The following MEGF11 variants were observed in gnomAD, a reference collection of about 807,000 sequenced individuals.
MEGF11 encodes multiple epidermal growth factor-like domains protein 11.
A neutral mutation model predicts 146.6 loss-of-function variants in MEGF11; 126 were observed. That is an observed-to-expected ratio of 0.86 (90% CI 0.74 to 1.00). The LOEUF is 1.00. MEGF11 is among the 50% of genes least tolerant of loss of function. The pLI is 0.00. For missense variants in MEGF11, 1,509 were observed against 1,521.2 expected (o/e 0.99, Z 0.13); for synonymous variants, 532 against 583.4 (o/e 0.91, Z 1.27).
intron 10 of MEGF11, among the ~76,000 whole-genome samples, chr15:65,954,233 G>A (rs867078392): frequency 4.6e-5 from 7 of 152,278 alleles, no homozygotes; most frequent in South Asian, 2.1e-4. Flanking sequence ...ATAAAGGCGC[G>A]TACATACATT....
chr15:66,091,201 C>T (rs1394877770), intron 5 of MEGF11, among the ~76,000 whole-genome samples: 1 of 152,170 alleles, frequency 6.6e-6, no homozygotes, highest in African/African-American at 2.4e-5. Flanking sequence ...CAGATTTGGG[C>T]CCACAAAGAC....
At chr15:65,919,335 C>T (rs915552062) in intron 15 of MEGF11, among the ~76,000 whole-genome samples, 2 of 152,188 alleles carry the variant, frequency 1.3e-5, no homozygotes, top group Non-Finnish European at 2.9e-5. Context: ...CAATGTGCTT[C>T]ACAAATACAG....
intron 5 of MEGF11, among the ~76,000 whole-genome samples, chr15:66,038,306 C>G (rs1162497082): frequency 6.6e-6 from 1 of 152,118 alleles, no homozygotes; most frequent in Admixed American, 6.5e-5. Context: ...CAGGGGAGAG[C>G]TGGATTCTTC....
At position 66,201,778 on chromosome 15, in the gene MEGF11, C is replaced by CAAAAA. The variant is rs60006667; in HGVS notation, c.-9+51822_-9+51826dup. ...GTGAAACCCTGTTTACTAAAAATCC[C>CAAAAA]AAAAAAAAAAAAAAAAAAATTAACC... is the stretch of plus-strand genomic sequence containing the variant. On this transcript the variant is annotated intron_variant, in intron 1 of 25. Transcript: ENST00000395614. Among the ~76,000 whole-genome samples the CAAAAA allele has an allele frequency of 4.2e-4, 42 of 99,204 alleles. 1 individual carries two copies. The highest frequency in any genetic ancestry group is 1.3e-3 in the African/African-American group (32 of 25,058). The allele number at this position is 99,204 out of a possible 152,430, so 65.1% of individuals were successfully genotyped here. A position where few individuals can be genotyped will look rare whatever the true frequency, so the allele number is the denominator to read the frequency against.
In MEGF11 at chr15:65,926,470, A is replaced by G. The variant is rs549960229; in HGVS notation, c.1675+1955T>C. ...CAAAATGCCAACTGTCAGTAAGCCT[A>G]TGGCTTATGAGGGTTAAGGGGAGAC... is the stretch of plus-strand genomic sequence containing the variant. On this transcript the variant is annotated intron_variant, in intron 13 of 25. Coordinates refer to ENST00000395614, the MANE Select transcript of MEGF11 (RefSeq NM_001385028.1). 4.6e-5 allele frequency among the ~76,000 whole-genome samples: 7 copies of G among 152,372 alleles called. No individual in the cohort carries two copies. In the South Asian group the frequency reaches 1.2e-3, roughly 27 times the overall value.
At chr15:65,917,085 A>G (rs893759237) in intron 16 of MEGF11, 129 bp from the exon 17 acceptor site, 10 of 1,030,678 alleles carry the variant, frequency 9.7e-6, no homozygotes, top group East Asian at 3.0e-5. Flanking sequence ...CCTGGCTTTC[A>G]GGGGCTTCAT....
intron 5 of MEGF11, among the ~76,000 whole-genome samples, chr15:65,983,815 A>C (rs966488270): frequency 6.6e-6 from 1 of 152,160 alleles, no homozygotes; most frequent in Non-Finnish European, 1.5e-5. Flanking sequence ...GGAAGGTGTC[A>C]CTGGGGTAGA....
chr15:66,052,490 C>T (rs1195562178), intron 5 of MEGF11, among the ~76,000 whole-genome samples: 2 of 152,168 alleles, frequency 1.3e-5, no homozygotes, highest in African/African-American at 4.8e-5. Context: ...AATCCTGATC[C>T]ACATCCTGGG....
At chr15:65,936,308 T>C (rs1306507903) in intron 10 of MEGF11, among the ~76,000 whole-genome samples, 1 of 152,200 alleles carries the variant, frequency 6.6e-6, no homozygotes, top group Non-Finnish European at 1.5e-5. Context: ...TTCCTCCACC[T>C]TAGGCCTGTG....
intron 10 of MEGF11, among the ~76,000 whole-genome samples, chr15:65,934,672 A>G (rs997686623): frequency 6.6e-6 from 1 of 152,212 alleles, no homozygotes; most frequent in African/African-American, 2.4e-5. Context: ...TGAAGGGGGA[A>G]GGTATAAGGA....
chr15:66,142,319 C>T (rs1487032259), intron 1 of MEGF11, among the ~76,000 whole-genome samples: 1 of 152,164 alleles, frequency 6.6e-6, no homozygotes, highest in African/African-American at 2.4e-5. Context: ...GCACGGCTCT[C>T]AAGAAACAGC....
chr15:66,211,273 C>T (rs1399897468), intron 1 of MEGF11, among the ~76,000 whole-genome samples: 2 of 152,206 alleles, frequency 1.3e-5, no homozygotes, highest in South Asian at 2.1e-4. Context: ...CCTGTAATCT[C>T]AGCACTTTGG....
intron 5 of MEGF11, among the ~76,000 whole-genome samples, chr15:66,063,749 T>G (rs886363679): frequency 5.9e-5 from 9 of 152,214 alleles, no homozygotes; most frequent in African/African-American, 2.2e-4. Flanking sequence ...TTGGGAGTTC[T>G]CCATTAAATT....
intron 5 of MEGF11, among the ~76,000 whole-genome samples, chr15:66,041,547 C>G (rs528164860): frequency 2.6e-4 from 40 of 152,344 alleles, no homozygotes; most frequent in Non-Finnish European, 5.6e-4. Context: ...AAACTGTGGC[C>G]TCTGGGTCAA....
intron 24 of MEGF11, among the ~76,000 whole-genome samples, chr15:65,900,968 T>A (rs2078481165): frequency 6.6e-6 from 1 of 152,228 alleles, no homozygotes; most frequent in South Asian, 2.1e-4. Flanking sequence ...CTGATTTCAC[T>A]AAGTTACTTA....
In MEGF11 at chr15:65,957,729, G is replaced by C. The variant is rs756698487; in HGVS notation, c.1113-8C>G. 2.5e-6 allele frequency: 4 copies of C among 1,613,306 alleles called. No homozygotes were observed. In the African/African-American group the frequency reaches 5.3e-5, roughly 22 times the overall value. The stretch of plus-strand genomic sequence containing the variant: ...CCAGTTACTGGGTGGCAGCTGCACA[G>C]ATGAGAGAAGGGTGAGAAGACAGCT... On this transcript the variant is annotated splice_region_variant and splice_polypyrimidine_tract_variant and intron_variant, in intron 9 of 25. Coordinates refer to ENST00000395614, the MANE Select transcript of MEGF11 (RefSeq NM_001385028.1).
At chr15:66,166,891 C>T (rs974204495) in intron 1 of MEGF11, among the ~76,000 whole-genome samples, 1 of 152,100 alleles carries the variant, frequency 6.6e-6, no homozygotes, top group African/African-American at 2.4e-5. Context: ...ATAAAGGTTT[C>T]GATTCTTACA....
chr15:66,080,006 C>T (rs111363051), intron 5 of MEGF11, among the ~76,000 whole-genome samples: 118 of 152,322 alleles, frequency 7.7e-4, no homozygotes, highest in African/African-American at 2.5e-3. Flanking sequence ...CTCATATCTC[C>T]GCTGGCTTCC....
intron 4 of MEGF11, 56 bp from the exon 5 acceptor site, chr15:66,094,550 A>G: frequency 7.0e-7 from 1 of 1,428,194 alleles, no homozygotes; most frequent in South Asian, 1.2e-5. Flanking sequence ...AAAACCAACC[A>G]TCTGGTCAAG....
Sources: gnomAD v4.1 joint callset for allele counts (sites outside exome capture counted in the v4.1 genomes callset) on GRCh38, gnomAD v4.1.1 for gene constraint, MANE v1.5 for transcripts, NCBI Gene and HGNC (gene_info 2026-07-23, HGNC 2026-07-21) for gene names.